NCAM2: variants seen among roughly 807,000 people sequenced by gnomAD.
NCAM2 encodes the protein N-CAM-2.
In NCAM2, 30 loss-of-function variants were observed where a neutral mutation model predicts 98.1. That is an observed-to-expected ratio of 0.31 (90% confidence interval 0.23 to 0.41). The LOEUF (loss-of-function observed/expected upper bound fraction) is 0.41. NCAM2 is among the 10% of genes least tolerant of loss of function. NCAM2 has a pLI of 1.00. For missense variants in NCAM2, 867 were observed against 1,005.8 expected (o/e 0.86, Z 1.87); for synonymous variants, 368 against 342.4 (o/e 1.07, Z -0.83).
chr21:21,313,922 A>G (rs1285677790), intron 5 of NCAM2, among the ~76,000 whole-genome samples: 1 of 152,048 alleles, frequency 6.6e-6, no homozygotes, highest in Non-Finnish European at 1.5e-5. Flanking sequence ...TTACCATTTC[A>G]ATTTGAATGT....
intron 1 of NCAM2, among the ~76,000 whole-genome samples, chr21:21,220,263 C>A (rs1234231901): frequency 6.6e-6 from 1 of 152,162 alleles, no homozygotes; most frequent in East Asian, 1.9e-4. Context: ...TCTAGTCCTG[C>A]AAGTTCTATT....
chr21:21,234,595 A>G (rs1368097133), intron 1 of NCAM2, among the ~76,000 whole-genome samples: 5 of 151,986 alleles, frequency 3.3e-5, no homozygotes, highest in Admixed American at 6.6e-5. Context: ...CTGATTTTCA[A>G]TTTTATAATA....
At chr21:21,069,990 C>G (rs1216799949) in intron 1 of NCAM2, among the ~76,000 whole-genome samples, 1 of 151,986 alleles carries the variant, frequency 6.6e-6, no homozygotes, top group South Asian at 2.1e-4. Flanking sequence ...CTGTGAACAC[C>G]GGCAATTTAA....
chr21:21,299,782 G>A (rs1472704201), intron 5 of NCAM2, among the ~76,000 whole-genome samples: 1 of 151,870 alleles, frequency 6.6e-6, no homozygotes, highest in Admixed American at 6.6e-5. Context: ...TATTTGAAAG[G>A]ACTCAGCAGG....
At chr21:21,010,834 C>A (rs981163310) in intron 1 of NCAM2, among the ~76,000 whole-genome samples, 1 of 152,086 alleles carries the variant, frequency 6.6e-6, no homozygotes, top group Non-Finnish European at 1.5e-5. Flanking sequence ...GAAACACATT[C>A]TAACCTCCCA....
At chr21:21,396,412 G>A (rs2076507981) in intron 9 of NCAM2, among the ~76,000 whole-genome samples, 2 of 152,362 alleles carry the variant, frequency 1.3e-5, no homozygotes, top group Admixed American at 6.5e-5. Context: ...TGGTGGGGAT[G>A]TAGACTAGTA....
chr21:21,351,999 C>T (rs2075354576), intron 8 of NCAM2, among the ~76,000 whole-genome samples: 1 of 152,194 alleles, frequency 6.6e-6, no homozygotes. Context: ...ATCCTCCCAC[C>T]TCAGCCTCCT....
chr21:21,071,869 G>GT (rs1568991375), intron 1 of NCAM2, among the ~76,000 whole-genome samples: 1,969 of 133,854 alleles, frequency 0.015, 19 homozygotes, highest in African/African-American at 0.045. Flanking sequence ...TGTCATGTCT[G>GT]CCTATCTATC....
chr21:21,430,928 C>G (rs1008704275), intron 11 of NCAM2, among the ~76,000 whole-genome samples: 1 of 151,302 alleles, frequency 6.6e-6, no homozygotes, highest in Non-Finnish European at 1.5e-5. Flanking sequence ...CACCTGTAGT[C>G]CCAGCTACTC....
chr21:21,268,738 A>C (rs2072386504), intron 1 of NCAM2, among the ~76,000 whole-genome samples: 1 of 152,154 alleles, frequency 6.6e-6, no homozygotes, highest in Admixed American at 6.6e-5. Flanking sequence ...GCCTCCTCCA[A>C]CCTGGAAGGA....
rs536338981 is a variant in NCAM2 at position 21,491,934 on chromosome 21, G to A, written c.2077+14463G>A. On this transcript the variant is annotated intron_variant, in intron 15 of 17. Coordinates refer to ENST00000400546, the MANE Select transcript of NCAM2 (RefSeq NM_004540.5). ...ACAGTTATTTCTTTTTATTATTTTT[G>A]TTTTTATTTTTCCTGAATCCCCTTG... 2.4e-3 allele frequency among the ~76,000 whole-genome samples: 363 copies of A among 151,416 alleles called. 16 individuals carry two copies. Among genetic ancestry groups the A allele is most frequent in the Middle Eastern group, 6.9e-3 (2 of 290 alleles).
intron 16 of NCAM2, among the ~76,000 whole-genome samples, chr21:21,530,939 A>T (rs1481179460): frequency 6.6e-6 from 1 of 152,076 alleles, no homozygotes; most frequent in Non-Finnish European, 1.5e-5. Flanking sequence ...AAGAATGCAT[A>T]TTTCTCTACA....
chr21:21,199,880 G>A (rs2069144777), intron 1 of NCAM2, among the ~76,000 whole-genome samples: 1 of 151,882 alleles, frequency 6.6e-6, no homozygotes, highest in Non-Finnish European at 1.5e-5. Flanking sequence ...ACCATTAGAG[G>A]CTGGGCCTTT....
intron 16 of NCAM2, among the ~76,000 whole-genome samples, chr21:21,530,708 T>C (rs1453675875): frequency 7.2e-5 from 11 of 151,936 alleles, no homozygotes; most frequent in Non-Finnish European, 2.9e-5. Flanking sequence ...TAGTATTCCA[T>C]AGTGTTAGAT....
intron 8 of NCAM2, among the ~76,000 whole-genome samples, chr21:21,339,095 T>C (rs928172141): frequency 2.6e-5 from 4 of 152,154 alleles, no homozygotes; most frequent in African/African-American, 9.6e-5. Flanking sequence ...CTTAGACAGG[T>C]GTCAACAAAC....
At chr21:21,334,414 A>G (rs1274930545) in intron 6 of NCAM2, among the ~76,000 whole-genome samples, 1 of 152,206 alleles carries the variant, frequency 6.6e-6, no homozygotes, top group Non-Finnish European at 1.5e-5. Flanking sequence ...TAGAACCAGA[A>G]TTCACTGGAA....
intron 1 of NCAM2, among the ~76,000 whole-genome samples, chr21:21,209,216 G>C (rs1342962804): frequency 2.0e-5 from 3 of 151,824 alleles, no homozygotes; most frequent in Non-Finnish European, 4.4e-5. Context: ...TTTAGCTTGG[G>C]TTTTATTTAT....
intron 1 of NCAM2, among the ~76,000 whole-genome samples, chr21:21,264,766 TCCAC>T: frequency 3.2e-4 from 2 of 6,172 alleles, no homozygotes; most frequent in African/African-American, 1.5e-3. Context: ...ATATATATAT[TCCAC>T]TATATATATA....
chr21:21,496,581 T>C (rs563954360), intron 15 of NCAM2, among the ~76,000 whole-genome samples: 109 of 152,246 alleles, frequency 7.2e-4, no homozygotes, highest in Non-Finnish European at 1.2e-3. Context: ...GCCCTGTTGA[T>C]CATTTATTTT....
Sources: allele counts gnomAD v4.1 joint callset (sites outside exome capture counted in the v4.1 genomes callset), GRCh38; gene constraint gnomAD v4.1.1; transcripts MANE v1.5; gene names NCBI Gene and HGNC (gene_info 2026-07-23, HGNC 2026-07-21).